Variants in ZFX observed in about 807,000 individuals in gnomAD.
ZFX encodes the protein zinc finger protein X-linked.
For missense variants in ZFX, 362 were observed against 628.3 expected (o/e 0.58, Z 4.53); for synonymous variants, 196 against 226.8 (o/e 0.86, Z 1.22).
chrX:24,186,310 C>T (rs1050730801), intron 5 of ZFX, among the ~76,000 whole-genome samples: 3 of 110,801 alleles, frequency 2.7e-5, no homozygotes, highest in Admixed American at 9.7e-5. Flanking sequence ...TCCCTCTGCA[C>T]GTCTCATTTA....
At chrX:24,151,000 A>G (rs958927681) in intron 1 of ZFX, among the ~76,000 whole-genome samples, 1 of 111,971 alleles carries the variant, frequency 8.9e-6, no homozygotes, top group African/African-American at 3.3e-5. Context: ...ATAAGGGCAG[A>G]CTTTTTTATT....
intron 3 of ZFX, among the ~76,000 whole-genome samples, chrX:24,154,897 A>T (rs143325174): frequency 0.016 from 1,768 of 111,914 alleles, 16 homozygotes; most frequent in Non-Finnish European, 0.021. Flanking sequence ...AGAAAACCAA[A>T]TACCGAATAT....
intron 3 of ZFX, among the ~76,000 whole-genome samples, chrX:24,163,927 G>C (rs998899401): frequency 4.7e-5 from 5 of 105,474 alleles, no homozygotes; most frequent in Non-Finnish European, 7.7e-5. Context: ...CACTGTGCTA[G>C]TGTAGAATTC....
At chrX:24,162,000 C>T (rs1173847801) in intron 3 of ZFX, among the ~76,000 whole-genome samples, 15 of 106,570 alleles carry the variant, frequency 1.4e-4, no homozygotes, top group Non-Finnish European at 2.9e-4. Context: ...GCACCTGGCC[C>T]TAATGTAACA....
Position 24,210,800 on chromosome X carries a change from C to G in ZFX, c.1842C>G (p.Phe614Leu). The G allele has an allele frequency of 2.5e-6, 3 of 1,211,816 alleles. No homozygotes were observed. Among genetic ancestry groups the G allele is most frequent in the Non-Finnish European group, 3.3e-6 (3 of 895,536 alleles). The change falls in exon 10 of 10, where the codon TTC becomes TTG. Residue 614 changes from phenylalanine to leucine, a missense_variant. Coordinates refer to ENST00000304543, the MANE Select transcript of ZFX (RefSeq NM_003410.4). ...AGTGTGACATTTGTCTTCTGACTTT[C>G]TCGGATACCAAAGAGGTGCAGCAAC... ...PFKCDICLLT[F>L]SDTKEVQQHA...
rs1935464045 is a variant in ZFX, at chrX:24,179,354, A to G, written c.230A>G (p.Gln77Arg). The G allele has an allele frequency of 8.3e-7, 1 of 1,210,707 alleles. No individual in the cohort carries two copies. The highest frequency in any genetic ancestry group is 3.0e-5 in the East Asian group (1 of 33,828). ...VIEDVVIEDV[Q>R]CPDIMEEADV... ...GAGGACGTTGTTATAGAAGATGTTC[A>G]GTGCCCAGATATCATGGAAGAAGCA... Residue 77 changes from glutamine (Q) to arginine (R), a missense_variant, in exon 5 of 10, where the codon CAG becomes CGG. Physicochemically the swap from Gln to Arg is conservative, Grantham distance 43 (BLOSUM62 1). Transcript: ENST00000304543.
At chrX:24,159,254 A>T (rs903864330) in intron 3 of ZFX, among the ~76,000 whole-genome samples, 18 of 111,878 alleles carry the variant, frequency 1.6e-4, no homozygotes, top group African/African-American at 5.8e-4. Flanking sequence ...CCTCCAAAAG[A>T]GCTGGGATTA....
chrX:24,187,088 T>C (rs768298977), intron 5 of ZFX, among the ~76,000 whole-genome samples: 11 of 111,620 alleles, frequency 9.9e-5, no homozygotes, highest in Non-Finnish European at 2.1e-4. Flanking sequence ...ATTGAAAATA[T>C]AGTTAGTTTT....
intron 5 of ZFX, among the ~76,000 whole-genome samples, chrX:24,203,548 A>G (rs1937443610): frequency 8.9e-6 from 1 of 111,881 alleles, no homozygotes. Flanking sequence ...TAAATTCCCT[A>G]AGAGATTTTG....
At chrX:24,154,692 G>A (rs1341558817) in intron 3 of ZFX, among the ~76,000 whole-genome samples, 4 of 111,578 alleles carry the variant, frequency 3.6e-5, no homozygotes, top group Non-Finnish European at 7.5e-5. Context: ...GAATCCAGCC[G>A]GTTTCTATTA....
rs1938358773 is a variant in ZFX, at chrX:24,214,920, T to G, written c.*3544T>G. The stretch of plus-strand genomic sequence containing the variant: ...TTTAGAGGACTAGTAGATGCTAACA[T>G]ACTAGGGAATGGTCATTGCCACAGT... On this transcript the variant is annotated 3_prime_UTR_variant, in exon 10 of 10. Transcript: ENST00000304543. 1 of 111,727 alleles carries G rather than the reference T, an allele frequency of 9.0e-6. No homozygotes were observed. The highest frequency in any genetic ancestry group is 1.9e-5 in the Non-Finnish European group (1 of 53,195). 9.2% of individuals were successfully genotyped at this position (111,727 alleles called of 1,213,427 possible).
chrX:24,208,498 G>T, intron 8 of ZFX, 128 bp downstream of exon 8: 1 of 860,460 alleles, frequency 1.2e-6, no homozygotes, highest in Non-Finnish European at 1.6e-6. Context: ...AGGATTATTT[G>T]AATTGAATTA....
In ZFX at chrX:24,213,419, CCT is replaced by C. The variant is rs2148085452; in HGVS notation, c.*2044_*2045del. ...GTCACCTCATTATGGTGCTCCATCCCCTGTGTGCTTAGGTTTTTACCTTTCAT... is the reference window on the plus strand; with the variant it reads ...GTCACCTCATTATGGTGCTCCATCCCGTGTGCTTAGGTTTTTACCTTTCAT... On this transcript the variant is annotated 3_prime_UTR_variant, in exon 10 of 10. Transcript: ENST00000304543. The C allele has an allele frequency of 8.9e-6, 1 of 112,071 alleles. No individual in the cohort carries two copies. Among genetic ancestry groups the C allele is most frequent in the East Asian group, 2.8e-4 (1 of 3,563 alleles). 9.2% of individuals were successfully genotyped at this position (112,071 alleles called of 1,213,427 possible). A position where few individuals can be genotyped will look rare whatever the true frequency, so the allele number is the denominator to read the frequency against.
At chrX:24,198,442 A>G (rs894295606) in intron 5 of ZFX, among the ~76,000 whole-genome samples, 1 of 109,482 alleles carries the variant, frequency 9.1e-6, no homozygotes, top group Non-Finnish European at 1.9e-5. Flanking sequence ...TGGCCTCCCA[A>G]AGTGGTGTGA....
At chrX:24,149,718 G>C (rs1198458296), upstream of ZFX, 2 of 111,122 alleles carry the variant, frequency 1.8e-5, no homozygotes, top group East Asian at 5.8e-4. Context: ...CCACCAGCCG[G>C]AGCCCGGCCC....
Position 24,170,633 on chromosome X carries a change from C to T in ZFX, c.-28-2082C>T, listed in dbSNP as rs181785978. Among the ~76,000 whole-genome samples, 7 of 79,987 alleles carry T rather than the reference C, an allele frequency of 8.8e-5. No homozygotes were observed. The East Asian group carries it at 2.3e-3, about 26-fold the overall frequency. The allele number at this position is 79,987 out of a possible 115,157, so 69.5% of individuals were successfully genotyped here. A position where few individuals can be genotyped will look rare whatever the true frequency, so the allele number is the denominator to read the frequency against. The stretch of plus-strand genomic sequence containing the variant: ...ATTTTTTTTTTTTTTTTTTTTGAGA[C>T]GGAGTGTTGCTCTATGGCCCAGGCT... On this transcript the variant is annotated intron_variant, in intron 3 of 9. Coordinates refer to ENST00000304543, the MANE Select transcript of ZFX (RefSeq NM_003410.4).
intron 5 of ZFX, among the ~76,000 whole-genome samples, chrX:24,197,540 A>G (rs1217033493): frequency 8.9e-6 from 1 of 111,960 alleles, no homozygotes; most frequent in Non-Finnish European, 1.9e-5. Context: ...GCTTATGGAG[A>G]AGGAGGATAG....
intron 5 of ZFX, among the ~76,000 whole-genome samples, chrX:24,203,723 T>C (rs1363888898): frequency 1.8e-5 from 2 of 111,896 alleles, no homozygotes; most frequent in African/African-American, 6.5e-5. Flanking sequence ...TATTGAACCA[T>C]GCATTCCCTT....
At chrX:24,159,894 TAA>T (rs1476630767) in intron 3 of ZFX, among the ~76,000 whole-genome samples, 3 of 112,207 alleles carry the variant, frequency 2.7e-5, no homozygotes, top group African/African-American at 9.7e-5. Context: ...TTCATGATGA[TAA>T]GTCTTGTTTT....
Sources: gnomAD v4.1 joint callset for allele counts (sites outside exome capture counted in the v4.1 genomes callset) on GRCh38, gnomAD v4.1.1 for gene constraint, MANE v1.5 for transcripts, NCBI Gene and HGNC (gene_info 2026-07-23, HGNC 2026-07-21) for gene names.